AP2B1: variants seen among roughly 807,000 people sequenced by gnomAD.
The protein encoded by AP2B1 is adaptor related protein complex 2 subunit beta 1, also known as AP-2 complex subunit beta.
AP2B1 carries 23 observed loss-of-function variants against 102.0 expected under a neutral mutation model. That is an observed-to-expected ratio of 0.23 (90% CI 0.16 to 0.32). The LOEUF (loss-of-function observed/expected upper bound fraction) is 0.32, where lower values mean the gene tolerates loss of function less well. AP2B1 is among the 10% of genes least tolerant of loss of function. The pLI, the probability that AP2B1 is intolerant of heterozygous loss-of-function variation, is 1.00. For synonymous variants in AP2B1, 381 were observed against 421.2 expected (o/e 0.90, Z 1.17); for missense variants, 541 against 1,157.4 (o/e 0.47, Z 7.73).
chr17:35,646,382 CAG>C (rs1263208387), intron 12 of AP2B1, among the ~76,000 whole-genome samples: 1 of 67,010 alleles, frequency 1.5e-5, no homozygotes, highest in African/African-American at 8.7e-5. Flanking sequence ...CTCAGAACGA[CAG>C]AGTTTGAGCA....
At chr17:35,603,253 T>G (rs2073550796) in intron 3 of AP2B1, among the ~76,000 whole-genome samples, 1 of 152,242 alleles carries the variant, frequency 6.6e-6, no homozygotes, top group Non-Finnish European at 1.5e-5. Context: ...TTTTCTTTCT[T>G]CTATGCTAGT....
chr17:35,672,974 A>G (rs1347246089), intron 16 of AP2B1, among the ~76,000 whole-genome samples: 1 of 152,050 alleles, frequency 6.6e-6, no homozygotes, highest in Non-Finnish European at 1.5e-5. Context: ...GGGATATACT[A>G]TTTTGCACCT....
intron 18 of AP2B1, among the ~76,000 whole-genome samples, chr17:35,693,884 C>T (rs2076088330): frequency 6.6e-6 from 1 of 152,220 alleles, no homozygotes; most frequent in Non-Finnish European, 1.5e-5. Context: ...TCTGTCCAGT[C>T]ATCTTGACAG....
At chr17:35,630,563 A>G (rs2074434779) in intron 9 of AP2B1, among the ~76,000 whole-genome samples, 1 of 152,220 alleles carries the variant, frequency 6.6e-6, no homozygotes, top group African/African-American at 2.4e-5. Flanking sequence ...CCTCTCTGAC[A>G]AAGCTGTAAA....
intron 5 of AP2B1, chr17:35,621,272 T>C: frequency 1.0e-6 from 1 of 983,898 alleles, no homozygotes; most frequent in Non-Finnish European, 1.2e-6. Flanking sequence ...TTTAAGATAC[T>C]TTAGATTCAG....
chr17:35,651,635 G>A (rs117715247), intron 13 of AP2B1, among the ~76,000 whole-genome samples: 3,361 of 152,022 alleles, frequency 0.022, 43 homozygotes, highest in Non-Finnish European at 0.03. Flanking sequence ...AATGGCCAAA[G>A]TATAGGATTT....
chr17:35,597,015 G>T, intron 2 of AP2B1: 1 of 625,028 alleles, frequency 1.6e-6, no homozygotes, highest in Non-Finnish European at 3.0e-6. Flanking sequence ...GGTCCAGCTC[G>T]GACACAGGTG....
At chr17:35,685,628 A>G (rs587648224) in intron 18 of AP2B1, among the ~76,000 whole-genome samples, 1 of 152,342 alleles carries the variant, frequency 6.6e-6, no homozygotes, top group South Asian at 2.1e-4. Context: ...GTGTAGAACA[A>G]TTAAATCAAG....
Position 35,636,413 on chromosome 17 carries a change from G to A in AP2B1, c.1228G>A (p.Ala410Thr). 6.2e-7 allele frequency: 1 copy of A among 1,614,040 alleles called. No homozygotes were observed. The highest frequency in any genetic ancestry group is 8.5e-7 in the Non-Finnish European group (1 of 1,179,948). The change falls in exon 10 of 22, where the codon GCA becomes ACA. Residue 410 changes from alanine to threonine, a missense_variant. This residue lies in a region of AP2B1 where 106 missense variants were observed against 296.4 expected (regional missense o/e 0.36). Coordinates refer to ENST00000610402, the MANE Select transcript of AP2B1 (RefSeq NM_001030006.2). Reference protein sequence around the residue: ...QTKVNYVVQEAIVVIRDIFRK... With the variant: ...QTKVNYVVQETIVVIRDIFRK... ...CAAAGTGAATTATGTGGTCCAAGAA[G>A]CAATTGTTGTCATCAGGGACATCTT...
chr17:35,711,195 T>C (rs2076440163), intron 20 of AP2B1, among the ~76,000 whole-genome samples: 1 of 152,166 alleles, frequency 6.6e-6, no homozygotes, highest in Admixed American at 6.5e-5. Flanking sequence ...TTAGAGCTCT[T>C]TCTTTCTCTC....
intron 21 of AP2B1, among the ~76,000 whole-genome samples, chr17:35,720,046 A>G (rs992213841): frequency 1.3e-4 from 20 of 152,210 alleles, no homozygotes; most frequent in African/African-American, 4.8e-4. Context: ...GTCACTTTAT[A>G]GAAGCAATGT....
At chr17:35,644,117 T>C (rs1389008313) in intron 12 of AP2B1, among the ~76,000 whole-genome samples, 1 of 152,196 alleles carries the variant, frequency 6.6e-6, no homozygotes, top group Non-Finnish European at 1.5e-5. Context: ...TTCTATTTTA[T>C]AGATGAGGAA....
rs1353828277 is a variant in AP2B1 at position 35,671,736 on chromosome 17, T to G, written c.2032-18T>G. ...GTTCTTCCCAATCTCCCCTCTCCCT[T>G]TTTTTTTTCTCCTGCAGGTGGGACA... On this transcript the variant is annotated intron_variant, in intron 15 of 21. Coordinates refer to ENST00000610402, the MANE Select transcript of AP2B1 (RefSeq NM_001030006.2). 2 of 1,601,226 alleles carry G rather than the reference T, an allele frequency of 1.2e-6. No homozygotes were observed.
At chr17:35,716,496 C>T (rs1361556886) in intron 20 of AP2B1, among the ~76,000 whole-genome samples, 1 of 152,078 alleles carries the variant, frequency 6.6e-6, no homozygotes, top group Non-Finnish European at 1.5e-5. Flanking sequence ...GCAGCAGTCA[C>T]CTTTGCACAG....
chr17:35,637,087 A>G (rs2074628329), intron 10 of AP2B1, among the ~76,000 whole-genome samples: 1 of 152,238 alleles, frequency 6.6e-6, no homozygotes, highest in African/African-American at 2.4e-5. Flanking sequence ...AATACTTTTT[A>G]GATTTGATTT....
At chr17:35,597,036 C>G in intron 2 of AP2B1, 1 of 598,256 alleles carries the variant, frequency 1.7e-6, no homozygotes, top group South Asian at 1.5e-5. Context: ...GCGGCGAAGC[C>G]CCGTTGTGGG....
intron 18 of AP2B1, among the ~76,000 whole-genome samples, chr17:35,705,484 TAAAAAAGG>T (rs1464122072): frequency 7.9e-5 from 12 of 152,090 alleles, no homozygotes; most frequent in African/African-American, 2.9e-4. Flanking sequence ...GGATGCTGAG[TAAAAAAGG>T]TAAAACAGGA....
chr17:35,664,658 A>G (rs2075425056), intron 14 of AP2B1, among the ~76,000 whole-genome samples: 1 of 152,204 alleles, frequency 6.6e-6, no homozygotes, highest in Non-Finnish European at 1.5e-5. Flanking sequence ...CAATAAGTAA[A>G]TATTTGAGTG....
At chr17:35,663,177 T>C (rs956084560) in intron 14 of AP2B1, among the ~76,000 whole-genome samples, 7 of 152,240 alleles carry the variant, frequency 4.6e-5, no homozygotes, top group African/African-American at 1.7e-4. Flanking sequence ...TTTTTAGAGT[T>C]TGTGTTATGT....
Sources: gnomAD v4.1 joint callset for allele counts (sites outside exome capture counted in the v4.1 genomes callset) on GRCh38, gnomAD v4.1.1 for gene constraint, gnomAD v4.1.1 regional missense constraint, MANE v1.5 for transcripts, NCBI Gene and HGNC (gene_info 2026-07-23, HGNC 2026-07-21) for gene names.